CA11: variants seen among roughly 807,000 people sequenced by gnomAD.
The protein encoded by CA11 is carbonic anhydrase-related protein 11.
A neutral mutation model predicts 39.3 loss-of-function variants in CA11; 20 were observed. That is an observed-to-expected ratio of 0.51 (90% CI 0.36 to 0.74). The LOEUF (loss-of-function observed/expected upper bound fraction) is 0.74. Ranked by LOEUF, CA11 falls within the 30% of genes least tolerant of loss-of-function variation. The probability of loss-of-function intolerance (pLI) is 0.00; values close to 1 mark genes in which losing one functional copy is unlikely to be tolerated. For missense variants in CA11, 336 were observed against 424.6 expected (o/e 0.79, Z 1.83); for synonymous variants, 166 against 172.5 (o/e 0.96, Z 0.29).
chr19:48,638,071 CT>C lies in CA11; in HGVS notation c.*47del. Reference sequence around the variant, plus strand: ...TTGTTTTAGGGGTAACTCCCCTCGCCTTGTGGGGAGGCTTAGGACGGGCGGG... The same window carrying C: ...TTGTTTTAGGGGTAACTCCCCTCGCCTGTGGGGAGGCTTAGGACGGGCGGG... On this transcript the variant is annotated 3_prime_UTR_variant, in exon 9 of 9. Coordinates refer to ENST00000084798, the MANE Select transcript of CA11 (RefSeq NM_001217.5). 7.1e-7 allele frequency: 1 copy of C among 1,407,816 alleles called. No homozygotes were observed. The highest frequency in any genetic ancestry group is 9.4e-7 in the Non-Finnish European group (1 of 1,065,154). 87.2% of individuals were successfully genotyped at this position (1,407,816 alleles called of 1,614,324 possible).
intron 4 of CA11, 67 bp from the exon 5 acceptor site, chr19:48,639,950 G>T: frequency 6.5e-7 from 1 of 1,542,948 alleles, no homozygotes; most frequent in Non-Finnish European, 8.9e-7. Flanking sequence ...CAGCTTTGGG[G>T]GCCCGAATCA....
chr19:48,639,589 G>A lies in CA11; in HGVS notation c.600C>T (p.Arg200=), dbSNP rs142656783. The change falls in exon 6 of 9, where the codon CGC becomes CGT. Residue 200 remains arginine (R), a synonymous_variant. Coordinates refer to ENST00000084798, the MANE Select transcript of CA11 (RefSeq NM_001217.5). ...GAGTGATGGTGTCGCGGTTAAGGAG[G>A]CGACTGAGGAATGGGTTAGAGGTAC... ...VASTSNPFLS[R]LLNRDTITRI... The A allele has an allele frequency of 1.3e-5, 21 of 1,614,022 alleles. No homozygotes were observed. The African/African-American group carries it at 2.7e-4, about 21-fold the overall frequency.
chr19:48,644,593 G>A (rs1461361843), intron 2 of CA11, 24 bp from the exon 3 acceptor site: 5 of 1,528,412 alleles, frequency 3.3e-6, no homozygotes, highest in Non-Finnish European at 4.4e-6. Flanking sequence ...CGGAGTAGGA[G>A]GACAAGGAGT....
intron 3 of CA11, among the ~76,000 whole-genome samples, chr19:48,640,718 G>A (rs1386855822): frequency 5.8e-5 from 8 of 137,648 alleles, no homozygotes; most frequent in Non-Finnish European, 9.4e-5. Flanking sequence ...TCTGTCGCCC[G>A]GGTTGGAGTG....
chr19:48,639,098 G>A, intron 7 of CA11, 45 bp from the exon 8 acceptor site: 1 of 1,609,564 alleles, frequency 6.2e-7, no homozygotes, highest in Non-Finnish European at 8.5e-7. Flanking sequence ...ATAGTGAATG[G>A]TCTTGGTGAC....
At position 48,640,209 on chromosome 19, in the gene CA11, C is replaced by T. The variant is rs748241157; in HGVS notation, c.357G>A (p.Val119=). Residue 119 remains valine, a synonymous_variant, in exon 4 of 9, where the codon GTG becomes GTA. Coordinates refer to ENST00000084798, the MANE Select transcript of CA11 (RefSeq NM_001217.5). ...GGCTGTAAAGGAGGGGACCTCCAGA[C>T]ACATTGACCACAGGTCGGGGTGCAG... The part of the protein sequence containing the change: ...FLPAPRPVVN[V]SGGPLLYSHR... The T allele has an allele frequency of 3.7e-6, 6 of 1,614,016 alleles. No homozygotes were observed. Among genetic ancestry groups the T allele is most frequent in the Non-Finnish European group, 5.1e-6 (6 of 1,179,998 alleles).
intron 8 of CA11, 73 bp downstream of exon 8, chr19:48,638,815 A>T: frequency 7.0e-7 from 1 of 1,430,206 alleles, no homozygotes; most frequent in Non-Finnish European, 9.3e-7. Context: ...ACTGAATCAC[A>T]CTGAGACACC....
rs1453076398 is a variant in CA11, at chr19:48,638,943, G to A, written c.906C>T (p.Asn302=). ...QPLAHRALRG[N]RDPRHPERRC... ...GCCTCTCGGGGTGCCGGGGGTCCCT[G>A]TTGCCCCTCAGTGCCCTGTGGGCCA... Residue 302 remains asparagine (N), a synonymous_variant, in exon 8 of 9, where the codon AAC becomes AAT. Transcript: ENST00000084798. 1.9e-6 allele frequency: 3 copies of A among 1,611,494 alleles called. No homozygotes were observed. In the Admixed American group the frequency reaches 5.1e-5, roughly 27 times the overall value.
Position 48,645,346 on chromosome 19 carries a change from G to A in CA11, c.142+57C>T. On this transcript the variant is annotated intron_variant, in intron 2 of 8. Transcript: ENST00000084798. The stretch of plus-strand genomic sequence containing the variant: ...GGGAGCTGGGAACCCAGGTTCCTGA[G>A]TCTGAAGAAGGAGGCGCCGGGAGGG... 16 of 1,480,144 alleles carry A rather than the reference G, an allele frequency of 1.1e-5. No homozygotes were observed. In the South Asian group the frequency reaches 1.6e-4, roughly 15 times the overall value. 91.7% of individuals were successfully genotyped at this position (1,480,144 alleles called of 1,614,324 possible).
rs1370469209 is a variant in CA11, at chr19:48,645,829, C to G, written c.-197G>C. 2 of 543,712 alleles carry G rather than the reference C, an allele frequency of 3.7e-6. No individual in the cohort carries two copies. The highest frequency in any genetic ancestry group is 6.4e-6 in the Non-Finnish European group (2 of 310,518). The allele number at this position is 543,712 out of a possible 1,614,324, so 33.7% of individuals were successfully genotyped here. On this transcript the variant is annotated 5_prime_UTR_variant, in exon 1 of 9. Coordinates refer to ENST00000084798, the MANE Select transcript of CA11 (RefSeq NM_001217.5). The stretch of plus-strand genomic sequence containing the variant: ...TCAAACCCACTCTTCTTCTCTCTCC[C>G]GTCTCTCTGTGTCTTTCCTCTTTCC...
chr19:48,645,837 T>A lies in CA11; in HGVS notation c.-205A>T. 1 of 540,410 alleles carries A rather than the reference T, an allele frequency of 1.9e-6. No individual in the cohort carries two copies. Among genetic ancestry groups the A allele is most frequent in the Non-Finnish European group, 3.2e-6 (1 of 308,814 alleles). The allele number at this position is 540,410 out of a possible 1,614,324, so 33.5% of individuals were successfully genotyped here. A position where few individuals can be genotyped will look rare whatever the true frequency, so the allele number is the denominator to read the frequency against. On this transcript the variant is annotated 5_prime_UTR_variant, in exon 1 of 9. Transcript: ENST00000084798. Reference sequence around the variant, plus strand: ...ACTCTTCTTCTCTCTCCCGTCTCTCTGTGTCTTTCCTCTTTCCTCTGCTCT... The same window carrying A: ...ACTCTTCTTCTCTCTCCCGTCTCTCAGTGTCTTTCCTCTTTCCTCTGCTCT...
intron 3 of CA11, among the ~76,000 whole-genome samples, chr19:48,642,414 G>A (rs1325326360): frequency 3.3e-5 from 5 of 152,100 alleles, no homozygotes; most frequent in Admixed American, 6.6e-5. Context: ...CAGGAGAATC[G>A]CTTGATCCTA....
At chr19:48,638,167 A>G in intron 8 of CA11, 23 bp from the exon 9 acceptor site, 1 of 1,138,162 alleles carries the variant, frequency 8.8e-7, no homozygotes, top group South Asian at 2.5e-5. Flanking sequence ...GAACAACGGC[A>G]GGGGGCGTCA....
Position 48,645,717 on chromosome 19 carries a change from C to CGAGAT in CA11, c.-86_-85insATCTC. On this transcript the variant is annotated 5_prime_UTR_variant, in exon 1 of 9. Coordinates refer to ENST00000084798, the MANE Select transcript of CA11 (RefSeq NM_001217.5). Reference sequence around the variant, plus strand: ...TGTCCCCTCCTTCTGGGACCCTGTCCCTCCAGGACTTCCAGCTTTCCTCTC... The same window carrying CGAGAT: ...TGTCCCCTCCTTCTGGGACCCTGTCCGAGATCTCCAGGACTTCCAGCTTTCCTCTC... 1 of 1,145,446 alleles carries CGAGAT rather than the reference C, an allele frequency of 8.7e-7. No individual in the cohort carries two copies. The highest frequency in any genetic ancestry group is 1.2e-6 in the Non-Finnish European group (1 of 844,044). The allele number at this position is 1,145,446 out of a possible 1,614,324, so 71.0% of individuals were successfully genotyped here. A position where few individuals can be genotyped will look rare whatever the true frequency, so the allele number is the denominator to read the frequency against.
At position 48,644,407 on chromosome 19, in the gene CA11, C is replaced by G; in HGVS notation, c.285+20G>C. ...CCCATCCCCAGTGGGTTCAATAGCT[C>G]CTCCCTCCAAGCCCCTTACCTTCTC... On this transcript the variant is annotated intron_variant, in intron 3 of 8. Coordinates refer to ENST00000084798, the MANE Select transcript of CA11 (RefSeq NM_001217.5). 6.4e-7 allele frequency: 1 copy of G among 1,553,544 alleles called. No homozygotes were observed. Among genetic ancestry groups the G allele is most frequent in the Non-Finnish European group, 8.7e-7 (1 of 1,143,860 alleles).
chr19:48,644,408 C>T lies in CA11; in HGVS notation c.285+19G>A. On this transcript the variant is annotated intron_variant, in intron 3 of 8. Coordinates refer to ENST00000084798, the MANE Select transcript of CA11 (RefSeq NM_001217.5). ...CCATCCCCAGTGGGTTCAATAGCTC[C>T]TCCCTCCAAGCCCCTTACCTTCTCT... 1 of 1,554,634 alleles carries T rather than the reference C, an allele frequency of 6.4e-7. No homozygotes were observed.
At position 48,638,048 on chromosome 19, in the gene CA11, G is replaced by C; in HGVS notation, c.*71C>G. The C allele has an allele frequency of 8.5e-7, 1 of 1,171,392 alleles. No individual in the cohort carries two copies. The highest frequency in any genetic ancestry group is 1.2e-6 in the Non-Finnish European group (1 of 857,426). The allele number at this position is 1,171,392 out of a possible 1,614,324, so 72.6% of individuals were successfully genotyped here. ...AGTATTCTGTCCCTTTAATAGCTTTGTTTTAGGGGTAACTCCCCTCGCCTT... is the reference window on the plus strand; with the variant it reads ...AGTATTCTGTCCCTTTAATAGCTTTCTTTTAGGGGTAACTCCCCTCGCCTT... On this transcript the variant is annotated 3_prime_UTR_variant, in exon 9 of 9. Transcript: ENST00000084798.
At position 48,641,959 on chromosome 19, in the gene CA11, C is replaced by G. The variant is rs1267577470; in HGVS notation, c.286-1679G>C. On this transcript the variant is annotated intron_variant, in intron 3 of 8. Coordinates refer to ENST00000084798, the MANE Select transcript of CA11 (RefSeq NM_001217.5). ...GGAATTACACGCATGAAGCACTGCA[C>G]CTGGCCAAAGGTGACATTTTAATGG... Among the ~76,000 whole-genome samples the G allele has an allele frequency of 2.0e-5, 3 of 151,302 alleles. No individual in the cohort carries two copies. The South Asian group carries it at 6.2e-4, about 31-fold the overall frequency.
intron 3 of CA11, among the ~76,000 whole-genome samples, chr19:48,640,737 A>C (rs1194225007): frequency 7.8e-6 from 1 of 128,614 alleles, no homozygotes; most frequent in Non-Finnish European, 1.7e-5. Context: ...TGCAGTGGCG[A>C]GAGCTCCGCT....
Sources: gnomAD v4.1 joint callset for allele counts (sites outside exome capture counted in the v4.1 genomes callset) on GRCh38, gnomAD v4.1.1 for gene constraint, MANE v1.5 for transcripts, NCBI Gene and HGNC (gene_info 2026-07-23, HGNC 2026-07-21) for gene names.